The following MTFMT variants were observed in gnomAD, a reference collection of about 807,000 sequenced individuals.
MTFMT encodes the protein methionyl-tRNA formyltransferase, mitochondrial.
A neutral mutation model predicts 51.8 loss-of-function variants in MTFMT; 47 were observed. The observed-to-expected ratio is 0.91, with a 90% CI of 0.72 to 1.16. The LOEUF is 1.16. Among genes scored for constraint, MTFMT ranks in the 50% most tolerant of loss-of-function variants. MTFMT has a pLI of 0.00. For synonymous variants in MTFMT, 196 were observed against 176.7 expected (o/e 1.11, Z -0.87); for missense variants, 512 against 482.3 (o/e 1.06, Z -0.58).
chr15:65,010,261 T>C lies in MTFMT; in HGVS notation c.814-4070A>G, dbSNP rs574672499. Among the ~76,000 whole-genome samples, 7 of 152,300 alleles carry C rather than the reference T, an allele frequency of 4.6e-5. No individual in the cohort carries two copies. The South Asian group carries it at 6.2e-4, about 14-fold the overall frequency. ...CCAGAAAATTCACCCTTTTGAAGCTTCCAAGTCAGTGGTTTTTAGTAGACT... is the reference window on the plus strand; with the variant it reads ...CCAGAAAATTCACCCTTTTGAAGCTCCCAAGTCAGTGGTTTTTAGTAGACT... On this transcript the variant is annotated intron_variant, in intron 6 of 8. Coordinates refer to ENST00000220058, the MANE Select transcript of MTFMT (RefSeq NM_139242.4).
At chr15:65,025,451 G>C (rs1392995474) in intron 2 of MTFMT, among the ~76,000 whole-genome samples, 1 of 152,038 alleles carries the variant, frequency 6.6e-6, no homozygotes, top group African/African-American at 2.4e-5. Flanking sequence ...TTTGGCTGCT[G>C]GATTGGTAAA....
rs138833285 is a variant in MTFMT at position 65,024,240 on chromosome 15, C to T, written c.420-446G>A. Among the ~76,000 whole-genome samples, 1,043 of 152,268 alleles carry T rather than the reference C, an allele frequency of 6.8e-3. 15 individuals carry two copies. The highest frequency in any genetic ancestry group is 0.022 in the African/African-American group (927 of 41,548). Reference sequence around the variant, plus strand: ...ACTCGGAAGGCTGAGACAGGAGAATCGCTTGAACCTGGGAGGCAGAGGTGC... The same window carrying T: ...ACTCGGAAGGCTGAGACAGGAGAATTGCTTGAACCTGGGAGGCAGAGGTGC... On this transcript the variant is annotated intron_variant, in intron 2 of 8. Coordinates refer to ENST00000220058, the MANE Select transcript of MTFMT (RefSeq NM_139242.4).
At chr15:65,013,982 A>G (rs1349005992) in intron 6 of MTFMT, among the ~76,000 whole-genome samples, 1 of 151,952 alleles carries the variant, frequency 6.6e-6, no homozygotes, top group African/African-American at 2.4e-5. Context: ...AACCCAAAAA[A>G]CAATCCCACT....
chr15:65,002,176 A>C lies in MTFMT; in HGVS notation c.*886T>G, dbSNP rs964309466. ...CACTTTGGGAGGCCAAGGCGGGTGG[A>C]TCACGAGGTCAGGAGATCAAGACCA... is the stretch of plus-strand genomic sequence containing the variant. On this transcript the variant is annotated 3_prime_UTR_variant, in exon 9 of 9. Transcript: ENST00000220058. 6.6e-6 allele frequency: 1 copy of C among 151,996 alleles called. No individual in the cohort carries two copies. Among genetic ancestry groups the C allele is most frequent in the African/African-American group, 2.4e-5 (1 of 41,392 alleles). 9.4% of individuals were successfully genotyped at this position (151,996 alleles called of 1,614,324 possible).
chr15:65,028,701 A>G (rs2086450962), intron 1 of MTFMT, among the ~76,000 whole-genome samples: 1 of 152,198 alleles, frequency 6.6e-6, no homozygotes, highest in African/African-American at 2.4e-5. Context: ...AAAAACATTA[A>G]TTGGGAAAAA....
At chr15:65,019,480 A>C (rs909810909) in intron 5 of MTFMT, among the ~76,000 whole-genome samples, 1 of 152,232 alleles carries the variant, frequency 6.6e-6, no homozygotes, top group African/African-American at 2.4e-5. Context: ...TCACTGAAAC[A>C]CACTCTTTCC....
At chr15:65,018,734 C>T (rs937896131) in intron 5 of MTFMT, among the ~76,000 whole-genome samples, 6 of 152,028 alleles carry the variant, frequency 3.9e-5, no homozygotes, top group African/African-American at 1.4e-4. Flanking sequence ...AATGTAGGAG[C>T]CAAATTTAAG....
chr15:65,015,236 T>C (rs1171713954), intron 6 of MTFMT, among the ~76,000 whole-genome samples: 3 of 152,140 alleles, frequency 2.0e-5, no homozygotes, highest in Admixed American at 6.6e-5. Flanking sequence ...CCCAGCACTG[T>C]CTGGCCCTAT....
intron 3 of MTFMT, among the ~76,000 whole-genome samples, chr15:65,022,942 G>A (rs59917879): frequency 0.035 from 5,298 of 151,878 alleles, 221 homozygotes; most frequent in African/African-American, 0.099. Flanking sequence ...CTCCCACCTC[G>A]GCCTCCCAAA....
At chr15:65,018,409 T>C (rs932951249) in intron 5 of MTFMT, among the ~76,000 whole-genome samples, 1 of 152,126 alleles carries the variant, frequency 6.6e-6, no homozygotes, top group Non-Finnish European at 1.5e-5. Context: ...ATAAATAGGT[T>C]AATATTTAAA....
chr15:65,008,231 A>G (rs926500997), intron 6 of MTFMT, among the ~76,000 whole-genome samples: 1 of 152,198 alleles, frequency 6.6e-6, no homozygotes, highest in South Asian at 2.1e-4. Flanking sequence ...TATGATTTTA[A>G]AAGATAGGAT....
intron 1 of MTFMT, 37 bp from the exon 2 acceptor site, chr15:65,027,077 G>C: frequency 6.6e-7 from 1 of 1,514,856 alleles, no homozygotes; most frequent in Non-Finnish European, 9.1e-7. Flanking sequence ...ACAGTGTTAA[G>C]GCAATGACTC....
In MTFMT at chr15:65,006,488, T is replaced by C. The variant is rs530493628; in HGVS notation, c.814-297A>G. 3.2e-4 allele frequency among the ~76,000 whole-genome samples: 49 copies of C among 151,862 alleles called. No individual in the cohort carries two copies. In the South Asian group the frequency reaches 5.4e-3, roughly 17 times the overall value. On this transcript the variant is annotated intron_variant, in intron 6 of 8. Transcript: ENST00000220058. Reference sequence around the variant, plus strand: ...GCCTCCCGGGTTCACGCCATTCTCCTGCTTCAGCCTCCCGAGTAGCTGGGA... The same window carrying C: ...GCCTCCCGGGTTCACGCCATTCTCCCGCTTCAGCCTCCCGAGTAGCTGGGA...
At position 65,027,202 on chromosome 15, in the gene MTFMT, C is replaced by CT. The variant is rs544080836; in HGVS notation, c.210-163dup. ...GACTGAGTTTTCATTTTTTCTTTTT[C>CT]TTTTTTTTTTTTTGAGCTGGAGTCT... On this transcript the variant is annotated intron_variant, in intron 1 of 8. Coordinates refer to ENST00000220058, the MANE Select transcript of MTFMT (RefSeq NM_139242.4). Among the ~76,000 whole-genome samples, 1,153 of 143,970 alleles carry CT rather than the reference C, an allele frequency of 8.0e-3. 5 individuals are homozygous for CT. The highest frequency in any genetic ancestry group is 0.011 in the Middle Eastern group (3 of 270). 94.4% of individuals were successfully genotyped at this position (143,970 alleles called of 152,430 possible).
intron 7 of MTFMT, among the ~76,000 whole-genome samples, 187 bp from the exon 8 acceptor site, chr15:65,005,123 C>T (rs2086211544): frequency 6.6e-6 from 1 of 152,146 alleles, no homozygotes. Context: ...CATCAGAAAC[C>T]CAAAGGAAAG....
At chr15:65,004,670 G>A (rs1231238899) in intron 8 of MTFMT, among the ~76,000 whole-genome samples, 184 bp downstream of exon 8, 1 of 152,142 alleles carries the variant, frequency 6.6e-6, no homozygotes, top group East Asian at 1.9e-4. Flanking sequence ...TAATGCCTTG[G>A]CAAAACTTCA....
intron 6 of MTFMT, among the ~76,000 whole-genome samples, chr15:65,012,331 C>T (rs548045590): frequency 6.6e-6 from 1 of 151,474 alleles, no homozygotes; most frequent in Non-Finnish European, 1.5e-5. Flanking sequence ...ATAAAAAGAA[C>T]TATCTTTTGG....
chr15:65,016,851 G>A (rs1171869892), intron 5 of MTFMT, among the ~76,000 whole-genome samples: 1 of 150,110 alleles, frequency 6.7e-6, no homozygotes, highest in African/African-American at 2.5e-5. Flanking sequence ...CGTGATCTCA[G>A]CTCACTGCAA....
chr15:65,013,946 A>C (rs1369144064), intron 6 of MTFMT, among the ~76,000 whole-genome samples: 1 of 151,990 alleles, frequency 6.6e-6, no homozygotes, highest in African/African-American at 2.4e-5. Flanking sequence ...CCATCTCAAA[A>C]AAAAAAAACA....
Sources: gnomAD v4.1 joint callset for allele counts (sites outside exome capture counted in the v4.1 genomes callset) on GRCh38, gnomAD v4.1.1 for gene constraint, MANE v1.5 for transcripts, NCBI Gene and HGNC (gene_info 2026-07-23, HGNC 2026-07-21) for gene names.